Variants in HDLBP observed in about 807,000 individuals in gnomAD.
The protein encoded by HDLBP is high density lipoprotein binding protein, also known as vigilin.
Under a neutral mutation model 137.3 loss-of-function variants are expected in HDLBP, and 30 were observed. That is an observed-to-expected ratio of 0.22 (90% CI 0.16 to 0.30). The LOEUF (loss-of-function observed/expected upper bound fraction) is 0.30, where lower values mean the gene tolerates loss of function less well. HDLBP is among the 10% of genes least tolerant of loss of function. The pLI, the probability that HDLBP is intolerant of heterozygous loss-of-function variation, is 1.00. For missense variants in HDLBP, 1,119 were observed against 1,667.3 expected (o/e 0.67, Z 5.73); for synonymous variants, 606 against 596.0 (o/e 1.02, Z -0.24).
intron 4 of HDLBP, 87 bp from the exon 5 acceptor site, chr2:241,263,013 T>TCGTC: frequency 9.7e-7 from 1 of 1,035,196 alleles, no homozygotes. Flanking sequence ...TTCATCACCA[T>TCGTC]CCACTCACAA....
At chr2:241,241,610 A>G (rs1221932334) in intron 17 of HDLBP, among the ~76,000 whole-genome samples, 2 of 148,584 alleles carry the variant, frequency 1.3e-5, no homozygotes, top group Admixed American at 6.8e-5. Context: ...AAAATCCACA[A>G]AACAGTGACT....
At chr2:241,259,684 A>T (rs1375867134) in intron 5 of HDLBP, among the ~76,000 whole-genome samples, 1 of 152,218 alleles carries the variant, frequency 6.6e-6, no homozygotes, top group Non-Finnish European at 1.5e-5. Context: ...CATGTTGCCC[A>T]GGCTGGTCTC....
In HDLBP at chr2:241,239,922, C is replaced by T. The variant is rs762773065; in HGVS notation, c.2370G>A (p.Leu790=). The change falls in exon 18 of 28, where the codon CTG becomes CTA. Residue 790 remains leucine (L), a synonymous_variant. Coordinates refer to ENST00000310931, the MANE Select transcript of HDLBP (RefSeq NM_005336.6). This position sits in a 1 kb window ranked among gnomAD's most constrained non-coding sequence, Gnocchi z 4.6. The part of the protein sequence containing the change: ...EDAVREAQKE[L]EALIQNLDNV... ...CTACCAGGTTTTGGATCAAGGCCTC[C>T]AGCTCCTTCTGTGCCTCTCGGACGG... 1 of 1,614,192 alleles carries T rather than the reference C, an allele frequency of 6.2e-7. No individual in the cohort carries two copies. The highest frequency in any genetic ancestry group is 8.5e-7 in the Non-Finnish European group (1 of 1,180,030).
intron 1 of HDLBP, among the ~76,000 whole-genome samples, chr2:241,291,046 A>G (rs1420888938): frequency 6.6e-6 from 1 of 152,230 alleles, no homozygotes; most frequent in African/African-American, 2.4e-5. Flanking sequence ...CAGGAGGGGA[A>G]GCTCTGTATC....
At chr2:241,298,838 C>T (rs772555518) in intron 1 of HDLBP, among the ~76,000 whole-genome samples, 2 of 152,104 alleles carry the variant, frequency 1.3e-5, no homozygotes, top group Non-Finnish European at 1.5e-5. Flanking sequence ...AATAAGGGAC[C>T]CCACAAAATA....
chr2:241,313,605 G>GT (rs1553664281), intron 1 of HDLBP, among the ~76,000 whole-genome samples: 1 of 152,106 alleles, frequency 6.6e-6, no homozygotes, highest in Non-Finnish European at 1.5e-5. Context: ...CTCAACCTTT[G>GT]TATCTGCAGA....
intron 27 of HDLBP, 57 bp downstream of exon 27, chr2:241,229,776 G>T: frequency 1.3e-6 from 2 of 1,563,964 alleles, no homozygotes; most frequent in Non-Finnish European, 1.7e-6. Context: ...AGGACACCAA[G>T]CCCGCCTGCC....
In HDLBP at chr2:241,239,509, A is replaced by G; in HGVS notation, c.2610+93T>C. ...CCTTCCAGGGCTGTATGAGGGAGTC[A>G]CCTCCCTACAGGGTGGAGCGAACAC... On this transcript the variant is annotated intron_variant, in intron 19 of 27. Coordinates refer to ENST00000310931, the MANE Select transcript of HDLBP (RefSeq NM_005336.6). This position sits in a 1 kb window ranked among gnomAD's most constrained non-coding sequence, Gnocchi z 4.6. 1 of 999,916 alleles carries G rather than the reference A, an allele frequency of 1.0e-6. No homozygotes were observed. Among genetic ancestry groups the G allele is most frequent in the East Asian group, 2.4e-5 (1 of 41,868 alleles). 61.9% of individuals were successfully genotyped at this position (999,916 alleles called of 1,614,324 possible). A position where few individuals can be genotyped will look rare whatever the true frequency, so the allele number is the denominator to read the frequency against.
chr2:241,280,579 G>T (rs1436177340), intron 1 of HDLBP, among the ~76,000 whole-genome samples: 1 of 152,066 alleles, frequency 6.6e-6, no homozygotes, highest in Non-Finnish European at 1.5e-5. Context: ...TTTGATTCAC[G>T]TATTTCTAGG....
At chr2:241,297,282 C>T (rs1016614448) in intron 1 of HDLBP, among the ~76,000 whole-genome samples, 1 of 152,246 alleles carries the variant, frequency 6.6e-6, no homozygotes, top group African/African-American at 2.4e-5. Context: ...GGAAGGTCAA[C>T]AAGAGGAGCC....
Position 241,247,655 on chromosome 2 carries a change from ACTC to A in HDLBP, c.1731+345_1731+347del, listed in dbSNP as rs2071784860. ...GAGAAAAATAATAAATCAGTATATG[ACTC>A]CTCATGTCACCTGTTATACCTCTTA... is the stretch of plus-strand genomic sequence containing the variant. On this transcript the variant is annotated intron_variant, in intron 14 of 27. Transcript: ENST00000310931. Among the ~76,000 whole-genome samples the A allele has an allele frequency of 6.6e-5, 10 of 151,886 alleles. No individual in the cohort carries two copies. The South Asian group carries it at 2.1e-3, about 32-fold the overall frequency.
At chr2:241,242,043 C>G (rs2071286185) in intron 17 of HDLBP, among the ~76,000 whole-genome samples, 1 of 152,170 alleles carries the variant, frequency 6.6e-6, no homozygotes, top group African/African-American at 2.4e-5. Context: ...ACCAGAAGAG[C>G]CCGGAAACAT....
In HDLBP at chr2:241,239,444, T is replaced by G. The variant is rs1204171773; in HGVS notation, c.2610+158A>C. Among the ~76,000 whole-genome samples the G allele has an allele frequency of 6.6e-6, 1 of 151,906 alleles. No individual in the cohort carries two copies. The highest frequency in any genetic ancestry group is 1.5e-5 in the Non-Finnish European group (1 of 67,988). Reference sequence around the variant, plus strand: ...CTATCAGGAAGGAGGCCAGACAGGCTGAGGAAAGAAGAGCGAGCACCAGAA... The same window carrying G: ...CTATCAGGAAGGAGGCCAGACAGGCGGAGGAAAGAAGAGCGAGCACCAGAA... On this transcript the variant is annotated intron_variant, in intron 19 of 27. Coordinates refer to ENST00000310931, the MANE Select transcript of HDLBP (RefSeq NM_005336.6). The surrounding 1 kb of genome is among the most constrained non-coding windows in gnomAD (Gnocchi z 4.6).
rs1447138307 is a variant in HDLBP at position 241,240,618 on chromosome 2, G to A, written c.2170-496C>T. 6.6e-6 allele frequency among the ~76,000 whole-genome samples: 1 copy of A among 152,108 alleles called. No homozygotes were observed. Among genetic ancestry groups the A allele is most frequent in the Non-Finnish European group, 1.5e-5 (1 of 67,994 alleles). On this transcript the variant is annotated intron_variant, in intron 17 of 27. Coordinates refer to ENST00000310931, the MANE Select transcript of HDLBP (RefSeq NM_005336.6). The surrounding 1 kb of genome is among the most constrained non-coding windows in gnomAD (Gnocchi z 5.5). Reference sequence around the variant, plus strand: ...CCAGGCTCCCTTTCTTCCCACGAGTGCTACAGATCAGCCTCCACAAAACCA... The same window carrying A: ...CCAGGCTCCCTTTCTTCCCACGAGTACTACAGATCAGCCTCCACAAAACCA...
intron 1 of HDLBP, among the ~76,000 whole-genome samples, chr2:241,309,706 C>T (rs1333682248): frequency 1.3e-5 from 2 of 152,198 alleles, no homozygotes; most frequent in African/African-American, 2.4e-5. Context: ...AAAAAGGTAT[C>T]GCTTTTCTGT....
intron 21 of HDLBP, 21 bp from the exon 22 acceptor site, chr2:241,235,615 GT>G (rs771781477): frequency 6.4e-7 from 1 of 1,566,554 alleles, no homozygotes; most frequent in South Asian, 1.1e-5. Context: ...GATGGTCATG[GT>G]TAGGCCGTGG....
Position 241,252,926 on chromosome 2 carries a change from TG to T in HDLBP, c.1372+30del. 8 of 1,517,364 alleles carry T rather than the reference TG, an allele frequency of 5.3e-6. No individual in the cohort carries two copies. In the South Asian group the frequency reaches 7.9e-5, roughly 15 times the overall value. 94.0% of individuals were successfully genotyped at this position (1,517,364 alleles called of 1,614,324 possible). On this transcript the variant is annotated intron_variant, in intron 11 of 27. Coordinates refer to ENST00000310931, the MANE Select transcript of HDLBP (RefSeq NM_005336.6). The stretch of plus-strand genomic sequence containing the variant: ...CCCCCACAAGGGTCTCAGGGCACAC[TG>T]GCCCCACCGCAACAGACAGCCTCAC...
chr2:241,301,381 T>A (rs1456707396), intron 1 of HDLBP, among the ~76,000 whole-genome samples: 2 of 152,180 alleles, frequency 1.3e-5, no homozygotes, highest in African/African-American at 2.4e-5. Flanking sequence ...ATCAGTAATA[T>A]CATTTGAAAC....
rs922773222 is a variant in HDLBP at position 241,246,964 on chromosome 2, A to G, written c.1819-81T>C. On this transcript the variant is annotated intron_variant, in intron 15 of 27. Coordinates refer to ENST00000310931, the MANE Select transcript of HDLBP (RefSeq NM_005336.6). ...CACAGTTGAGCACAGGGCTAGAAGT[A>G]AGGAAGAGTCCCTCCTAGTCTAAAA... 12 of 1,579,984 alleles carry G rather than the reference A, an allele frequency of 7.6e-6. No individual in the cohort carries two copies. In the African/African-American group the frequency reaches 1.5e-4, roughly 20 times the overall value.
Sources: gnomAD v4.1 joint callset for allele counts (sites outside exome capture counted in the v4.1 genomes callset) on GRCh38, gnomAD v4.1.1 for gene constraint, Gnocchi (gnomAD v3.1) non-coding constraint, MANE v1.5 for transcripts, NCBI Gene and HGNC (gene_info 2026-07-23, HGNC 2026-07-21) for gene names.